The following MERTK variants were observed in gnomAD, a reference collection of about 807,000 sequenced individuals.
MERTK encodes MER proto-oncogene, tyrosine kinase, also known as tyrosine-protein kinase Mer.
Under a neutral mutation model 99.3 loss-of-function variants are expected in MERTK, and 69 were observed. That is an observed-to-expected ratio of 0.70 (90% CI 0.57 to 0.85). MERTK has a LOEUF of 0.85. Ranked by LOEUF, MERTK falls within the 40% of genes least tolerant of loss-of-function variation. MERTK has a pLI of 0.00. For missense variants in MERTK, 1,125 were observed against 1,249.4 expected (o/e 0.90, Z 1.50); for synonymous variants, 426 against 467.6 (o/e 0.91, Z 1.15).
chr2:111,972,498 G>C (rs1465227656), intron 6 of MERTK, among the ~76,000 whole-genome samples: 2 of 152,144 alleles, frequency 1.3e-5, no homozygotes, highest in African/African-American at 2.4e-5. Flanking sequence ...TCACACACAA[G>C]ATTTACCTGC....
chr2:112,004,091 G>T, intron 13 of MERTK, 107 bp downstream of exon 13: 1 of 949,498 alleles, frequency 1.1e-6, no homozygotes, highest in East Asian at 2.5e-5. Context: ...TGGGCCAGAA[G>T]GCAATGTGGA....
intron 1 of MERTK, among the ~76,000 whole-genome samples, chr2:111,928,217 T>C (rs199830667): frequency 0.065 from 2,015 of 31,150 alleles, 41 homozygotes; most frequent in Middle Eastern, 0.12. Flanking sequence ...CATGAGCAGC[T>C]TTTTTTTTTT....
intron 1 of MERTK, among the ~76,000 whole-genome samples, chr2:111,925,292 A>ATATATATATATATATATAT (rs372747015): frequency 4.1e-5 from 1 of 24,498 alleles, no homozygotes; most frequent in Non-Finnish European, 7.3e-5. Flanking sequence ...ATATATATAT[A>ATATATATATATATATATAT]TTTTTTTTTT....
chr2:111,929,292 A>C lies in MERTK; in HGVS notation c.234A>C (p.Val78=). The C allele has an allele frequency of 6.2e-7, 1 of 1,614,248 alleles. No homozygotes were observed. Among genetic ancestry groups the C allele is most frequent in the Non-Finnish European group, 8.5e-7 (1 of 1,180,050 alleles). Reference sequence around the variant, plus strand: ...CTGGAAGACCACATACAGGAAACGTAGCCATTCCCCAGGTGACCTCTGTCG... The same window carrying C: ...CTGGAAGACCACATACAGGAAACGTCGCCATTCCCCAGGTGACCTCTGTCG... ...TQPGRPHTGN[V]AIPQVTSVES... is the part of the protein sequence containing the mutation. The change falls in exon 2 of 19, where the codon GTA becomes GTC. Residue 78 remains valine (V), a synonymous_variant. Transcript: ENST00000295408.
At chr2:112,019,616 A>G in intron 16 of MERTK, 94 bp downstream of exon 16, 2 of 953,450 alleles carry the variant, frequency 2.1e-6, no homozygotes, top group Non-Finnish European at 3.4e-6. Context: ...TTAGATAGGC[A>G]AGGAAGCTGC....
chr2:111,898,633 C>G lies in MERTK; in HGVS notation c.-103C>G, dbSNP rs917622105. ...CTCGGCACTCACTGCCCGGGCCGCC[C>G]GGACAGGGAGCTTCGCTGGCGCGCT... On this transcript the variant is annotated 5_prime_UTR_variant, in exon 1 of 19. Transcript: ENST00000295408. The G allele has an allele frequency of 1.8e-5, 26 of 1,412,010 alleles. No homozygotes were observed. Among genetic ancestry groups the G allele is most frequent in the Non-Finnish European group, 2.4e-5 (25 of 1,024,128 alleles). 87.5% of individuals were successfully genotyped at this position (1,412,010 alleles called of 1,614,324 possible).
chr2:111,986,093 C>G (rs1676473887), intron 8 of MERTK, among the ~76,000 whole-genome samples: 1 of 152,148 alleles, frequency 6.6e-6, no homozygotes, highest in East Asian at 1.9e-4. Context: ...AGGAAGCAGA[C>G]TGTTGGAAGC....
At chr2:111,958,976 A>G (rs550229135) in intron 4 of MERTK, among the ~76,000 whole-genome samples, 4 of 152,136 alleles carry the variant, frequency 2.6e-5, no homozygotes, top group South Asian at 4.1e-4. Flanking sequence ...TCAAATGACT[A>G]ATTTTAAACT....
intron 4 of MERTK, among the ~76,000 whole-genome samples, chr2:111,957,428 T>G (rs1243682122): frequency 6.6e-6 from 1 of 151,986 alleles, no homozygotes; most frequent in Non-Finnish European, 1.5e-5. Context: ...TCCTACTCTT[T>G]CCTCAGAGGC....
intron 1 of MERTK, among the ~76,000 whole-genome samples, chr2:111,902,711 C>T (rs1298999792): frequency 2.0e-5 from 3 of 152,128 alleles, no homozygotes; most frequent in African/African-American, 7.2e-5. Flanking sequence ...CATATGCATA[C>T]ACCCCACTAT....
At chr2:112,005,804 C>A (rs1254561162) in intron 13 of MERTK, among the ~76,000 whole-genome samples, 2 of 152,262 alleles carry the variant, frequency 1.3e-5, no homozygotes, top group Non-Finnish European at 1.5e-5. Flanking sequence ...AAATTTAAAT[C>A]CACTATTTAC....
intron 13 of MERTK, among the ~76,000 whole-genome samples, chr2:112,007,968 GAC>G (rs1360796031): frequency 6.6e-6 from 1 of 151,868 alleles, no homozygotes; most frequent in Non-Finnish European, 1.5e-5. Flanking sequence ...GTCCCCTCCT[GAC>G]ACACATAATT....
intron 2 of MERTK, among the ~76,000 whole-genome samples, chr2:111,944,533 A>ATTCTTTAAAATAATTCC (rs1265922025): frequency 6.6e-6 from 1 of 151,258 alleles, no homozygotes; most frequent in Admixed American, 6.6e-5. Context: ...TTAAGGAATT[A>ATTCTTTAAAATAATTCC]GCTCACACAC....
At position 111,987,928 on chromosome 2, in the gene MERTK, T is replaced by A. The variant is rs115425913; in HGVS notation, c.1296+4935T>A. Among the ~76,000 whole-genome samples the A allele has an allele frequency of 3.8e-3, 573 of 152,178 alleles. 1 individual carries two copies. The highest frequency in any genetic ancestry group is 0.013 in the African/African-American group (545 of 41,486). Reference sequence around the variant, plus strand: ...TACTCTTCGTTTTCAAAGGTATAGATCTTGGAAGTCTCATAGCAGAGATTA... The same window carrying A: ...TACTCTTCGTTTTCAAAGGTATAGAACTTGGAAGTCTCATAGCAGAGATTA... On this transcript the variant is annotated intron_variant, in intron 8 of 18. Transcript: ENST00000295408.
At chr2:112,000,965 A>G (rs577867836) in intron 10 of MERTK, among the ~76,000 whole-genome samples, 5 of 152,184 alleles carry the variant, frequency 3.3e-5, no homozygotes, top group Non-Finnish European at 7.3e-5. Context: ...AGCTTTGGCC[A>G]CTGGGAGCTT....
rs147899488 is a variant in MERTK at position 112,021,537 on chromosome 2, A to G, written c.2305A>G (p.Ile769Val). Residue 769 changes from isoleucine (I) to valine (V), a missense_variant, in exon 17 of 19, where the codon ATA (isoleucine) becomes GTA (valine). Transcript: ENST00000295408. ...TAAGATGCCTGTTAAATGGATCGCC[A>G]TAGAAAGTCTTGCAGACCGAGTCTA... ...IAKMPVKWIA[I>V]ESLADRVYTS... 2.5e-4 allele frequency: 400 copies of G among 1,599,056 alleles called. No homozygotes were observed. The Middle Eastern group carries it at 3.7e-3, about 15-fold the overall frequency.
Position 112,019,467 on chromosome 2 carries a change from G to A in MERTK, c.2134G>A (p.Glu712Lys). The A allele has an allele frequency of 6.2e-7, 1 of 1,613,994 alleles. No homozygotes were observed. Among genetic ancestry groups the A allele is most frequent in the Non-Finnish European group, 8.5e-7 (1 of 1,179,894 alleles). ...CATGGTGGATATTGCCCTGGGAATGGAGTATCTGAGCAACAGGAATTTTCT... is the reference window on the plus strand; with the variant it reads ...CATGGTGGATATTGCCCTGGGAATGAAGTATCTGAGCAACAGGAATTTTCT... ...KFMVDIALGMEYLSNRNFLHR... is the reference protein window; with the variant it reads ...KFMVDIALGMKYLSNRNFLHR... Residue 712 changes from glutamate (E) to lysine (K), a missense_variant, in exon 16 of 19, where the codon GAG (glutamate) becomes AAG (lysine). By Grantham distance (56) the Glu-to-Lys change is moderately conservative. Transcript: ENST00000295408.
intron 12 of MERTK, chr2:112,003,455 G>T (rs536318780): frequency 5.4e-6 from 2 of 366,982 alleles, no homozygotes; most frequent in Non-Finnish European, 9.9e-6. Flanking sequence ...GTAATTCATT[G>T]AGTAGTTTCC....
At chr2:111,998,471 G>A (rs1676798494) in intron 10 of MERTK, among the ~76,000 whole-genome samples, 2 of 152,274 alleles carry the variant, frequency 1.3e-5, no homozygotes, top group South Asian at 4.1e-4. Context: ...ACAAAATCCT[G>A]CCCTCATGGG....
Sources: allele counts gnomAD v4.1 joint callset (sites outside exome capture counted in the v4.1 genomes callset), GRCh38; gene constraint gnomAD v4.1.1; transcripts MANE v1.5; gene names NCBI Gene and HGNC (gene_info 2026-07-23, HGNC 2026-07-21).